The following SLC12A1 variants were observed in gnomAD, a reference collection of about 807,000 sequenced individuals.
The protein encoded by SLC12A1 is solute carrier family 12 member 1, also known as Na-K-2Cl cotransporter.
A neutral mutation model predicts 130.4 loss-of-function variants in SLC12A1; 89 were observed. The observed-to-expected ratio is 0.68, with a 90% confidence interval of 0.58 to 0.81. The LOEUF (loss-of-function observed/expected upper bound fraction) is 0.81, where lower values mean the gene tolerates loss of function less well. Ranked by LOEUF, SLC12A1 falls within the 40% of genes least tolerant of loss-of-function variation. SLC12A1 has a pLI of 0.00. For missense variants in SLC12A1, 1,310 were observed against 1,336.4 expected (o/e 0.98, Z 0.31); for synonymous variants, 499 against 460.0 (o/e 1.08, Z -1.09).
chr15:48,267,134 C>T (rs941379962), intron 17 of SLC12A1, among the ~76,000 whole-genome samples: 3 of 152,192 alleles, frequency 2.0e-5, no homozygotes, highest in Non-Finnish European at 4.4e-5. Context: ...CCATGTTCTA[C>T]CTCCCATGGA....
chr15:48,259,059 A>G, intron 16 of SLC12A1, 141 bp from the exon 17 acceptor site: 1 of 604,954 alleles, frequency 1.7e-6, no homozygotes, highest in South Asian at 2.2e-5. Context: ...ATTCAAGAAT[A>G]CTGGTGCGAA....
chr15:48,246,078 A>C (rs2041576730), intron 11 of SLC12A1, among the ~76,000 whole-genome samples: 1 of 152,246 alleles, frequency 6.6e-6, no homozygotes, highest in South Asian at 2.1e-4. Context: ...CTGTTTTAAC[A>C]ACTCACAAAG....
At chr15:48,242,537 T>A (rs2041528426) in intron 10 of SLC12A1, among the ~76,000 whole-genome samples, 1 of 152,206 alleles carries the variant, frequency 6.6e-6, no homozygotes, top group African/African-American at 2.4e-5. Flanking sequence ...GCACAGTAGC[T>A]CATGCCTGTA....
At chr15:48,244,949 T>G in intron 11 of SLC12A1, 45 bp downstream of exon 11, 1 of 1,572,396 alleles carries the variant, frequency 6.4e-7, no homozygotes, top group Non-Finnish European at 8.7e-7. Flanking sequence ...TATTTTCATT[T>G]TTTGAATGTC....
intron 17 of SLC12A1, among the ~76,000 whole-genome samples, chr15:48,265,307 A>C (rs896703899): frequency 6.6e-6 from 1 of 152,212 alleles, no homozygotes; most frequent in Admixed American, 6.5e-5. Context: ...TATAATACTA[A>C]CAGACATACA....
chr15:48,248,910 G>A (rs1436434928), intron 13 of SLC12A1, among the ~76,000 whole-genome samples: 1 of 152,170 alleles, frequency 6.6e-6, no homozygotes, highest in South Asian at 2.1e-4. Flanking sequence ...TGGGCATGGT[G>A]GTGGGTGCCT....
chr15:48,258,573 C>T (rs1439973723), intron 16 of SLC12A1, among the ~76,000 whole-genome samples: 2 of 152,154 alleles, frequency 1.3e-5, no homozygotes, highest in Admixed American at 6.5e-5. Context: ...AAGTTCCAAA[C>T]TTTCCCACAT....
intron 17 of SLC12A1, among the ~76,000 whole-genome samples, chr15:48,264,580 C>T (rs1438549774): frequency 1.3e-5 from 2 of 151,932 alleles, no homozygotes; most frequent in African/African-American, 2.4e-5. Context: ...AGTGACATGA[C>T]CAAATATTGA....
intron 2 of SLC12A1, among the ~76,000 whole-genome samples, chr15:48,210,487 A>T (rs2041039254): frequency 6.6e-6 from 1 of 152,186 alleles, no homozygotes; most frequent in Admixed American, 6.5e-5. Flanking sequence ...TAGCTTATTT[A>T]TAATTGCAAA....
intron 7 of SLC12A1, 23 bp downstream of exon 7, chr15:48,230,526 T>C: frequency 7.6e-6 from 11 of 1,452,474 alleles, no homozygotes; most frequent in Non-Finnish European, 1.1e-5. Context: ...AAAATGATAT[T>C]ATCAACAGTG....
At chr15:48,264,912 T>C (rs930914762) in intron 17 of SLC12A1, among the ~76,000 whole-genome samples, 9 of 152,162 alleles carry the variant, frequency 5.9e-5, no homozygotes, top group Admixed American at 5.2e-4. Flanking sequence ...TCAATTAATA[T>C]CAAAGTTATA....
chr15:48,219,981 T>C (rs2141016604), intron 2 of SLC12A1, among the ~76,000 whole-genome samples: 1 of 151,690 alleles, frequency 6.6e-6, no homozygotes, highest in South Asian at 2.1e-4. Flanking sequence ...TGGTGGTGTG[T>C]GCCTGTAATC....
At chr15:48,296,564 T>G (rs556182800) in intron 24 of SLC12A1, among the ~76,000 whole-genome samples, 6 of 152,270 alleles carry the variant, frequency 3.9e-5, no homozygotes, top group Middle Eastern at 6.8e-3. Flanking sequence ...CCAGAAACAG[T>G]TGGTACATTA....
At chr15:48,245,486 G>A (rs929060284) in intron 11 of SLC12A1, among the ~76,000 whole-genome samples, 7 of 152,144 alleles carry the variant, frequency 4.6e-5, no homozygotes, top group African/African-American at 1.7e-4. Flanking sequence ...AGTACTCAAT[G>A]TTTAGCTCCC....
At chr15:48,274,714 T>C (rs907161722) in intron 20 of SLC12A1, 61 bp downstream of exon 20, 41 of 1,156,388 alleles carry the variant, frequency 3.5e-5, no homozygotes, top group Non-Finnish European at 5.3e-5. Context: ...GTGCCTGACA[T>C]TGTTATGGGA....
intron 24 of SLC12A1, among the ~76,000 whole-genome samples, chr15:48,294,442 G>A (rs998756813): frequency 6.6e-6 from 1 of 151,368 alleles, no homozygotes; most frequent in African/African-American, 2.4e-5. Context: ...TTATTACTTT[G>A]TGATATTTCT....
At chr15:48,259,389 A>G (rs1433195288) in intron 17 of SLC12A1, 78 bp downstream of exon 17, 2 of 952,734 alleles carry the variant, frequency 2.1e-6, no homozygotes, top group East Asian at 2.4e-5. Flanking sequence ...GAGAAAAGGT[A>G]CATGCAGTGA....
intron 15 of SLC12A1, among the ~76,000 whole-genome samples, chr15:48,252,919 A>G (rs2041664268): frequency 6.6e-6 from 1 of 152,212 alleles, no homozygotes; most frequent in Admixed American, 6.5e-5. Flanking sequence ...GGCCAGATAA[A>G]TAAGAAACAT....
At chr15:48,266,740 C>T (rs534763289) in intron 17 of SLC12A1, among the ~76,000 whole-genome samples, 11 of 152,210 alleles carry the variant, frequency 7.2e-5, no homozygotes, top group East Asian at 1.9e-4. Flanking sequence ...GGCAGATAAT[C>T]AGAAATAACT....
Sources: gnomAD v4.1 joint callset for allele counts (sites outside exome capture counted in the v4.1 genomes callset) on GRCh38, gnomAD v4.1.1 for gene constraint, MANE v1.5 for transcripts, NCBI Gene and HGNC (gene_info 2026-07-23, HGNC 2026-07-21) for gene names.